ANK3: variants seen among roughly 807,000 people sequenced by gnomAD.
ANK3 encodes ankyrin-3.
ANK3 carries 57 observed loss-of-function variants against 370.9 expected under a neutral mutation model. That is an observed-to-expected ratio of 0.15 (90% confidence interval 0.12 to 0.19). ANK3 has a LOEUF of 0.19. Among genes scored for constraint, ANK3 ranks in the 10% least tolerant of loss-of-function variants. The pLI, the probability that ANK3 is intolerant of heterozygous loss-of-function variation, is 1.00. For synonymous variants in ANK3, 1,929 were observed against 1,946.3 expected (o/e 0.99, Z 0.23); for missense variants, 4,439 against 5,302.1 (o/e 0.84, Z 5.06).
chr10:60,221,234 C>T (rs1339565504), intron 8 of ANK3, among the ~76,000 whole-genome samples: 1 of 152,022 alleles, frequency 6.6e-6, no homozygotes, highest in Non-Finnish European at 1.5e-5. Flanking sequence ...CGCCTGCCAC[C>T]ACGCCTGGCT....
intron 17 of ANK3, among the ~76,000 whole-genome samples, chr10:60,184,465 A>G (rs573125605): frequency 1.3e-5 from 2 of 152,372 alleles, no homozygotes; most frequent in East Asian, 3.9e-4. Context: ...GTTAGAAGTT[A>G]AAAGTATTAG....
chr10:60,703,666 A>T (rs1212673450), intron 1 of ANK3, among the ~76,000 whole-genome samples: 1 of 152,222 alleles, frequency 6.6e-6, no homozygotes, highest in African/African-American at 2.4e-5. Flanking sequence ...TTTCAAAAAT[A>T]CCGAAAAGCA....
chr10:60,590,279 A>G (rs2077891392), intron 2 of ANK3, among the ~76,000 whole-genome samples: 1 of 152,266 alleles, frequency 6.6e-6, no homozygotes, highest in South Asian at 2.1e-4. Context: ...CACACTGGAC[A>G]CTGAAGACTC....
In ANK3 at chr10:60,333,657, C is replaced by T. The variant is rs561344158; in HGVS notation, c.115-54018G>A. On this transcript the variant is annotated intron_variant, in intron 1 of 43. Coordinates refer to ENST00000280772, the MANE Select transcript of ANK3 (RefSeq NM_020987.5). ...AATGATTTATAGTCCTTTGGGTATA[C>T]ACCCAGTAATGGGATTGCTGGGTCA... Among the ~76,000 whole-genome samples the T allele has an allele frequency of 6.6e-5, 10 of 152,268 alleles. No homozygotes were observed. In the East Asian group the frequency reaches 1.9e-3, roughly 29 times the overall value.
In ANK3 at chr10:60,114,260, G is replaced by A. The variant is rs1170502153; in HGVS notation, c.2913C>T (p.Asp971=). ...RHYSWAADTL[D]NVNLVSSPIH... ...TGGGGCTTGAAACAAGATTGACATTGTCTAAGGTGTCTGCAGCCCAGCTGT... is the reference window on the plus strand; with the variant it reads ...TGGGGCTTGAAACAAGATTGACATTATCTAAGGTGTCTGCAGCCCAGCTGT... The change falls in exon 26 of 44, where the codon GAC becomes GAT. Residue 971 remains aspartate, a synonymous_variant. Transcript: ENST00000280772. The A allele has an allele frequency of 2.5e-6, 4 of 1,609,202 alleles. No homozygotes were observed. Among genetic ancestry groups the A allele is most frequent in the South Asian group, 1.1e-5 (1 of 90,230 alleles).
At chr10:60,241,314 C>G (rs1007239379) in intron 7 of ANK3, among the ~76,000 whole-genome samples, 1 of 151,988 alleles carries the variant, frequency 6.6e-6, no homozygotes, top group Non-Finnish European at 1.5e-5. Context: ...TGATTTAGTT[C>G]AAACAAAAAA....
chr10:60,195,532 A>G (rs1245610485), intron 16 of ANK3, among the ~76,000 whole-genome samples: 1 of 152,188 alleles, frequency 6.6e-6, no homozygotes, highest in East Asian at 1.9e-4. Context: ...GCTCAACAAT[A>G]GGAAGCTTAT....
At chr10:60,589,597 A>T (rs1203599905) in intron 2 of ANK3, among the ~76,000 whole-genome samples, 3 of 152,216 alleles carry the variant, frequency 2.0e-5, no homozygotes, top group Admixed American at 6.5e-5. Context: ...GGCAACATAC[A>T]GCATGAAAGA....
At chr10:60,240,186 A>T (rs1350286359) in intron 7 of ANK3, among the ~76,000 whole-genome samples, 3 of 142,066 alleles carry the variant, frequency 2.1e-5, no homozygotes, top group Non-Finnish European at 3.0e-5. Flanking sequence ...ATATATACAC[A>T]TATATATACA....
Position 60,389,695 on chromosome 10 carries a change from A to G in ANK3, c.-157T>C, listed in dbSNP as rs1047350716. On this transcript the variant is annotated 5_prime_UTR_variant, in exon 1 of 44. Coordinates refer to ENST00000280772, the MANE Select transcript of ANK3 (RefSeq NM_020987.5). ...TATTCACAATGCAAAGATGCTGGAG[A>G]AGCTGAAGCTTTTAAAAACCCAAAT... 6.9e-7 allele frequency: 1 copy of G among 1,446,480 alleles called. No individual in the cohort carries two copies. The highest frequency in any genetic ancestry group is 9.0e-7 in the Non-Finnish European group (1 of 1,105,892). The allele number at this position is 1,446,480 out of a possible 1,614,324, so 89.6% of individuals were successfully genotyped here. A position where few individuals can be genotyped will look rare whatever the true frequency, so the allele number is the denominator to read the frequency against.
At chr10:60,618,738 T>C (rs572662839) in intron 1 of ANK3, among the ~76,000 whole-genome samples, 15 of 152,090 alleles carry the variant, frequency 9.9e-5, no homozygotes, top group Non-Finnish European at 1.0e-4. Flanking sequence ...ATGCCAAGTA[T>C]AAATAAGATT....
chr10:60,240,191 T>C (rs1429726360), intron 7 of ANK3, among the ~76,000 whole-genome samples: 2 of 138,656 alleles, frequency 1.4e-5, no homozygotes, highest in African/African-American at 5.8e-5. Flanking sequence ...TACACATATA[T>C]ATACACACAC....
chr10:60,712,275 G>A (rs1393378558), intron 1 of ANK3, among the ~76,000 whole-genome samples: 1 of 152,136 alleles, frequency 6.6e-6, no homozygotes, highest in Non-Finnish European at 1.5e-5. Flanking sequence ...TTATCCTGCT[G>A]GATCTGTTAA....
chr10:60,376,563 C>A (rs912078550), intron 1 of ANK3, among the ~76,000 whole-genome samples: 1 of 152,178 alleles, frequency 6.6e-6, no homozygotes, highest in East Asian at 1.9e-4. Flanking sequence ...AGGAAAAGAC[C>A]AGAAACTGGA....
At chr10:60,529,328 A>G (rs923650625) in intron 2 of ANK3, among the ~76,000 whole-genome samples, 10 of 152,190 alleles carry the variant, frequency 6.6e-5, no homozygotes, top group Non-Finnish European at 1.2e-4. Context: ...AAATGTTCTC[A>G]AATGCCTAGG....
At chr10:60,711,088 C>G (rs1327540546) in intron 1 of ANK3, among the ~76,000 whole-genome samples, 1 of 152,070 alleles carries the variant, frequency 6.6e-6, no homozygotes, top group Non-Finnish European at 1.5e-5. Context: ...ATCTTTTGGC[C>G]CAGTCAAGGG....
intron 1 of ANK3, among the ~76,000 whole-genome samples, chr10:60,295,715 A>C (rs1033022243): frequency 5.9e-5 from 9 of 152,218 alleles, no homozygotes; most frequent in Admixed American, 5.9e-4. Context: ...TATGAGGATT[A>C]TAACTATTGT....
rs144577765 is a variant in ANK3 at position 60,729,565 on chromosome 10, T to C, written c.57+3698A>G. ...AATATATGTTAGGGCCAATTTTTCA[T>C]TACTTCCCTTCTCTTAACATCATCT... On this transcript the variant is annotated intron_variant, in intron 1 of 43. Transcript: ENST00000373827. Among the ~76,000 whole-genome samples, 1,137 of 152,268 alleles carry C rather than the reference T, an allele frequency of 7.5e-3. 19 individuals carry two copies. The highest frequency in any genetic ancestry group is 0.026 in the African/African-American group (1,079 of 41,528).
chr10:60,127,725 GTCT>G (rs1231140563), intron 25 of ANK3, among the ~76,000 whole-genome samples: 1 of 135,838 alleles, frequency 7.4e-6, no homozygotes, highest in Non-Finnish European at 1.5e-5. Flanking sequence ...TGGAGACAGA[GTCT>G]CGCTCTGTCT....
Sources: gnomAD v4.1 joint callset for allele counts (sites outside exome capture counted in the v4.1 genomes callset) on GRCh38, gnomAD v4.1.1 for gene constraint, MANE v1.5 for transcripts, NCBI Gene and HGNC (gene_info 2026-07-23, HGNC 2026-07-21) for gene names.